The following ECE1 variants were observed in gnomAD, a reference collection of about 807,000 sequenced individuals.
ECE1 encodes endothelin-converting enzyme 1.
Under a neutral mutation model 98.6 loss-of-function variants are expected in ECE1, and 35 were observed. The observed-to-expected ratio is 0.35, with a 90% confidence interval of 0.27 to 0.47. The LOEUF (loss-of-function observed/expected upper bound fraction) is 0.47, where lower values mean the gene tolerates loss of function less well. ECE1 is among the 20% of genes least tolerant of loss of function. ECE1 has a pLI of 1.00. For synonymous variants in ECE1, 394 were observed against 407.1 expected, an observed-to-expected ratio of 0.97 and a Z score of 0.39; for missense variants, 814 against 1,025.3, an observed-to-expected ratio of 0.79 and a Z score of 2.81.
At chr1:21,248,637 T>C (rs2098207529) in intron 8 of ECE1, among the ~76,000 whole-genome samples, 1 of 152,034 alleles carries the variant, frequency 6.6e-6, no homozygotes, top group Non-Finnish European at 1.5e-5. Context: ...CTTTTCTTTT[T>C]TTTTTGAGAT....
chr1:21,323,577 T>C (rs1411178581), intron 1 of ECE1, among the ~76,000 whole-genome samples: 2 of 151,904 alleles, frequency 1.3e-5, no homozygotes, highest in Non-Finnish European at 2.9e-5. Flanking sequence ...AGAGCTGTGA[T>C]TGTGCCACTG....
At chr1:21,236,205 C>A (rs1275489525) in intron 12 of ECE1, among the ~76,000 whole-genome samples, 1 of 152,274 alleles carries the variant, frequency 6.6e-6, no homozygotes, top group Non-Finnish European at 1.5e-5. Context: ...GGACGTGCTG[C>A]GTTTTCCTGC....
In ECE1 at chr1:21,247,300, T is replaced by C. The variant is rs775871729; in HGVS notation, c.1084A>G (p.Asn362Asp). The C allele has an allele frequency of 8.1e-6, 13 of 1,614,190 alleles. No individual in the cohort carries two copies. Among genetic ancestry groups the C allele is most frequent in the Non-Finnish European group, 1.1e-5 (13 of 1,180,024 alleles). Residue 362 changes from asparagine to aspartate, a missense_variant, in exon 9 of 19, where the codon AAT (asparagine) becomes GAT (aspartate). Around this residue, in one of 3 missense-constraint regions of ECE1, gnomAD observed 452 missense variants for 567.3 expected, o/e 0.80. Transcript: ENST00000374893. The part of the protein sequence containing the change: ...LNTIFYPVEI[N>D]ESEPIVVYDK... ...TAGACCACAATAGGCTCGGATTCAT[T>C]GATCTCCACGGGGTAGAAGATGGTG... is the stretch of plus-strand genomic sequence containing the variant.
At chr1:21,252,338 C>T (rs533368516) in intron 8 of ECE1, among the ~76,000 whole-genome samples, 8 of 152,326 alleles carry the variant, frequency 5.3e-5, no homozygotes, top group South Asian at 4.1e-4. Flanking sequence ...TCCATGGAGA[C>T]GGCTGTTTTA....
intron 4 of ECE1, 32 bp downstream of exon 4, chr1:21,272,667 C>A (rs777111114): frequency 6.2e-7 from 1 of 1,613,314 alleles, no homozygotes; most frequent in Non-Finnish European, 8.5e-7. Context: ...CCCGCTGTGG[C>A]CCATTTATTG....
At chr1:21,326,465 G>A (rs1639080438) in intron 1 of ECE1, among the ~76,000 whole-genome samples, 1 of 152,116 alleles carries the variant, frequency 6.6e-6, no homozygotes, top group East Asian at 1.9e-4. Context: ...TGAAGAAGGG[G>A]TCCAGGGAGA....
At position 21,219,907 on chromosome 1, in the gene ECE1, G is replaced by A. The variant is rs779511640; in HGVS notation, c.*48C>T. On this transcript the variant is annotated 3_prime_UTR_variant, in exon 19 of 19. Transcript: ENST00000374893. The surrounding 1 kb of genome is among the most constrained non-coding windows in gnomAD (Gnocchi z 4.5). Reference sequence around the variant, plus strand: ...GCCCTGGAGGCTGGATGGGGGTCTCGTCCTCAGCCCCTTCCCCTCCTCCGT... The same window carrying A: ...GCCCTGGAGGCTGGATGGGGGTCTCATCCTCAGCCCCTTCCCCTCCTCCGT... 85 of 1,609,502 alleles carry A rather than the reference G, an allele frequency of 5.3e-5. No individual in the cohort carries two copies. Among genetic ancestry groups the A allele is most frequent in the East Asian group, 6.7e-5 (3 of 44,830 alleles).
intron 1 of ECE1, among the ~76,000 whole-genome samples, chr1:21,300,943 G>A (rs1217253519): frequency 6.6e-6 from 1 of 152,200 alleles, no homozygotes; most frequent in Non-Finnish European, 1.5e-5. Flanking sequence ...TGCTCCATAA[G>A]TGTTTGCTGC....
At chr1:21,249,766 C>T (rs1354310781) in intron 8 of ECE1, among the ~76,000 whole-genome samples, 1 of 151,910 alleles carries the variant, frequency 6.6e-6, no homozygotes, top group Non-Finnish European at 1.5e-5. Context: ...CCACAGATTG[C>T]TTTTTTAAAT....
At chr1:21,335,294 G>T (rs561351672) in intron 1 of ECE1, among the ~76,000 whole-genome samples, 2 of 151,848 alleles carry the variant, frequency 1.3e-5, no homozygotes, top group Admixed American at 1.3e-4. Flanking sequence ...CCACCACATC[G>T]CCCTGTTTTG....
Position 21,258,752 on chromosome 1 carries a change from G to A in ECE1, c.703C>T (p.Pro235Ser). The A allele has an allele frequency of 6.2e-7, 1 of 1,614,230 alleles. No homozygotes were observed. The highest frequency in any genetic ancestry group is 1.1e-5 in the South Asian group (1 of 91,088). The change falls in exon 6 of 19, where the codon CCC (proline) becomes TCC (serine). Residue 235 changes from proline to serine, a missense_variant. Physicochemically the swap from Pro to Ser is moderately conservative, Grantham distance 74. Around this residue, in one of 3 missense-constraint regions of ECE1, gnomAD observed 105 missense variants for 179.1 expected, o/e 0.59. Coordinates refer to ENST00000374893, the MANE Select transcript of ECE1 (RefSeq NM_001397.3). The surrounding 1 kb of genome is among the most constrained non-coding windows in gnomAD (Gnocchi z 4.2). ...GCACTGACATAGACAGAGAAGAAGGGTGAGGTGCGGTAGTGGGCGGTGACC... is the reference window on the plus strand; with the variant it reads ...GCACTGACATAGACAGAGAAGAAGGATGAGGTGCGGTAGTGGGCGGTGACC... ...QVVTAHYRTS[P>S]FFSVYVSADS...
At chr1:21,288,452 A>G (rs2098262969) in intron 2 of ECE1, among the ~76,000 whole-genome samples, 1 of 152,222 alleles carries the variant, frequency 6.6e-6, no homozygotes, top group South Asian at 2.1e-4. Context: ...GTAAGAACTC[A>G]AACCCGGGTC....
At chr1:21,290,551 G>C (rs1315244693), upstream of ECE1, 3 of 1,191,102 alleles carry the variant, frequency 2.5e-6, no homozygotes, top group Admixed American at 1.3e-4. The surrounding 1 kb of genome is among the most constrained non-coding windows in gnomAD (Gnocchi z 7.3). Flanking sequence ...CTCCCGGGGA[G>C]ACCCCAAGAC....
At position 21,233,511 on chromosome 1, in the gene ECE1, A is replaced by G. The variant is rs373411186; in HGVS notation, c.1670+47T>C. ...GGCCAGTTCGTCCCAAGGCTTGCCC[A>G]CAGGTGGGGAGCTGGCACCTTGCCG... On this transcript the variant is annotated intron_variant, in intron 14 of 18. Transcript: ENST00000374893. The surrounding 1 kb of genome is among the most constrained non-coding windows in gnomAD (Gnocchi z 4.0). The G allele has an allele frequency of 7.0e-6, 11 of 1,578,096 alleles. No homozygotes were observed. In the African/African-American group the frequency reaches 1.4e-4, roughly 19 times the overall value.
chr1:21,328,618 C>G (rs909006650), intron 1 of ECE1, among the ~76,000 whole-genome samples: 8 of 152,032 alleles, frequency 5.3e-5, no homozygotes, highest in African/African-American at 1.9e-4. Context: ...AAAAAATTAG[C>G]CAGGCATGGT....
chr1:21,246,564 CA>C (rs2098203972), intron 9 of ECE1, among the ~76,000 whole-genome samples: 2 of 149,870 alleles, frequency 1.3e-5, no homozygotes, highest in Admixed American at 6.6e-5. Flanking sequence ...TAATAGCCAA[CA>C]TTTACTGAGT....
intron 1 of ECE1, among the ~76,000 whole-genome samples, chr1:21,311,467 G>A (rs1228181334): frequency 1.5e-5 from 2 of 137,704 alleles, no homozygotes; most frequent in Non-Finnish European, 3.1e-5. Flanking sequence ...GAGACCAGCA[G>A]TTTGAGACCA....
At chr1:21,282,589 A>G (rs1367846786) in intron 2 of ECE1, among the ~76,000 whole-genome samples, 8 of 53,970 alleles carry the variant, frequency 1.5e-4, no homozygotes, top group Non-Finnish European at 2.4e-4. Context: ...CGCTGTCTTG[A>G]AAAAAAAAAA....
At chr1:21,272,972 G>GA in intron 3 of ECE1, 61 bp from the exon 4 acceptor site, 1 of 1,592,152 alleles carries the variant, frequency 6.3e-7, no homozygotes, top group Non-Finnish European at 8.6e-7. Context: ...AGGGAGGGCA[G>GA]AGAAGGGGGC....
Sources: gnomAD v4.1 joint callset for allele counts (sites outside exome capture counted in the v4.1 genomes callset) on GRCh38, gnomAD v4.1.1 for gene constraint, gnomAD v4.1.1 regional missense constraint, Gnocchi (gnomAD v3.1) non-coding constraint, MANE v1.5 for transcripts, NCBI Gene and HGNC (gene_info 2026-07-23, HGNC 2026-07-21) for gene names.